PDZRN4: variants seen among roughly 807,000 people sequenced by gnomAD.
The protein encoded by PDZRN4 is PDZ domain containing ring finger 4.
A neutral mutation model predicts 99.0 loss-of-function variants in PDZRN4; 70 were observed. The observed-to-expected ratio is 0.71, with a 90% CI of 0.58 to 0.86. The LOEUF is 0.86. Ranked by LOEUF, PDZRN4 falls within the 40% of genes least tolerant of loss-of-function variation. The pLI is 0.00. For synonymous variants in PDZRN4, 551 were observed against 501.6 expected, an observed-to-expected ratio of 1.10 and a Z score of -1.32; for missense variants, 1,474 against 1,331.2, an observed-to-expected ratio of 1.11 and a Z score of -1.67.
intron 1 of PDZRN4, 125 bp downstream of exon 1, chr12:41,189,228 C>A: frequency 1.2e-6 from 1 of 823,126 alleles, no homozygotes; most frequent in Non-Finnish European, 1.9e-6. Flanking sequence ...CAGGAAACAT[C>A]CACACCCTGA....
chr12:41,317,653 T>C (rs574290769), intron 3 of PDZRN4, among the ~76,000 whole-genome samples: 3 of 152,282 alleles, frequency 2.0e-5, no homozygotes, highest in African/African-American at 7.2e-5. Context: ...CTCATAATGA[T>C]ATAATTAGTA....
At chr12:41,250,616 A>G (rs961887216) in intron 3 of PDZRN4, among the ~76,000 whole-genome samples, 63 of 152,204 alleles carry the variant, frequency 4.1e-4, no homozygotes, top group Admixed American at 4.1e-3. Flanking sequence ...TGTGCTTGAC[A>G]GGTTTGTCAA....
At chr12:41,519,367 TAA>T (rs1205183568) in intron 5 of PDZRN4, among the ~76,000 whole-genome samples, 1 of 152,044 alleles carries the variant, frequency 6.6e-6, no homozygotes, top group African/African-American at 2.4e-5. Context: ...GCTTTCTAGG[TAA>T]AGTGGCACAG....
Position 41,250,887 on chromosome 12 carries a change from A to G in PDZRN4, c.843+56699A>G, listed in dbSNP as rs560582657. Among the ~76,000 whole-genome samples, 129 of 152,304 alleles carry G rather than the reference A, an allele frequency of 8.5e-4. 1 individual carries two copies. Among genetic ancestry groups the G allele is most frequent in the Non-Finnish European group, 5.9e-5 (4 of 68,018 alleles). On this transcript the variant is annotated intron_variant, in intron 3 of 9. Coordinates refer to ENST00000402685, the MANE Select transcript of PDZRN4 (RefSeq NM_001164595.2). ...GAAATTCAACAGGCAAAGTGCCTTG[A>G]GTATCACAAAGAACTGCTGCTTGAG...
intron 5 of PDZRN4, among the ~76,000 whole-genome samples, chr12:41,512,894 G>A (rs533048241): frequency 6.6e-6 from 1 of 152,214 alleles, no homozygotes; most frequent in South Asian, 2.1e-4. Context: ...AGGTTAGAGT[G>A]AAGCACACCT....
chr12:41,416,833 A>G (rs913372613), intron 3 of PDZRN4, among the ~76,000 whole-genome samples: 1 of 152,184 alleles, frequency 6.6e-6, no homozygotes, highest in African/African-American at 2.4e-5. Context: ...GATTTGGTCT[A>G]TTCTTAGATA....
intron 3 of PDZRN4, among the ~76,000 whole-genome samples, chr12:41,430,117 G>A (rs1226529587): frequency 6.6e-6 from 1 of 152,200 alleles, no homozygotes; most frequent in Non-Finnish European, 1.5e-5. Context: ...TCTTGCTTCA[G>A]ATGCCATTAT....
At chr12:41,271,626 G>T (rs1206643391) in intron 3 of PDZRN4, among the ~76,000 whole-genome samples, 1 of 152,066 alleles carries the variant, frequency 6.6e-6, no homozygotes, top group Non-Finnish European at 1.5e-5. Context: ...AACTCAAAAT[G>T]CCAATCAGTG....
intron 6 of PDZRN4, among the ~76,000 whole-genome samples, chr12:41,554,430 T>A (rs1319777602): frequency 6.6e-6 from 1 of 152,186 alleles, no homozygotes; most frequent in African/African-American, 2.4e-5. Flanking sequence ...TCCTTTTACC[T>A]CTTACATGTA....
intron 5 of PDZRN4, among the ~76,000 whole-genome samples, chr12:41,549,357 A>G (rs925620822): frequency 6.6e-6 from 1 of 152,228 alleles, no homozygotes; most frequent in Non-Finnish European, 1.5e-5. Context: ...AATTCCTTTC[A>G]GATAATCAAA....
chr12:41,493,802 A>G (rs758392490), intron 3 of PDZRN4, among the ~76,000 whole-genome samples: 1 of 151,942 alleles, frequency 6.6e-6, no homozygotes, highest in Non-Finnish European at 1.5e-5. Context: ...GTAAGGCAGC[A>G]ACAGCTTTAC....
At chr12:41,520,381 C>T (rs1938472776) in intron 5 of PDZRN4, among the ~76,000 whole-genome samples, 1 of 152,020 alleles carries the variant, frequency 6.6e-6, no homozygotes, top group Admixed American at 6.6e-5. Context: ...CTTCCAAGTA[C>T]TCTGCACATG....
At chr12:41,483,579 C>T (rs1338868898) in intron 3 of PDZRN4, among the ~76,000 whole-genome samples, 1 of 152,100 alleles carries the variant, frequency 6.6e-6, no homozygotes, top group Non-Finnish European at 1.5e-5. Flanking sequence ...TATTAAAATA[C>T]TCCTATTATC....
chr12:41,351,402 G>A (rs564697034), intron 3 of PDZRN4, among the ~76,000 whole-genome samples: 59 of 152,162 alleles, frequency 3.9e-4, no homozygotes, highest in African/African-American at 1.3e-3. Context: ...GTATGAGTTC[G>A]TTCTTGCACT....
At chr12:41,328,507 A>C (rs911814716) in intron 3 of PDZRN4, among the ~76,000 whole-genome samples, 30 of 152,142 alleles carry the variant, frequency 2.0e-4, no homozygotes, top group African/African-American at 7.2e-4. Flanking sequence ...CAGCAGAGTG[A>C]TGCTCTGTAT....
At chr12:41,407,642 G>A (rs1483318462) in intron 3 of PDZRN4, among the ~76,000 whole-genome samples, 3 of 151,882 alleles carry the variant, frequency 2.0e-5, no homozygotes, top group Admixed American at 2.0e-4. Flanking sequence ...TGTTTGGACT[G>A]GCACAAAGAT....
chr12:41,378,416 TATTGGCTG>T (rs1212615006), intron 3 of PDZRN4, among the ~76,000 whole-genome samples: 1 of 152,112 alleles, frequency 6.6e-6, no homozygotes, highest in Non-Finnish European at 1.5e-5. Context: ...TCATCAGAGA[TATTGGCTG>T]GTAATTTTCT....
intron 3 of PDZRN4, among the ~76,000 whole-genome samples, chr12:41,245,034 A>T (rs1036846743): frequency 1.3e-5 from 2 of 152,232 alleles, no homozygotes; most frequent in East Asian, 3.9e-4. Context: ...CTCTGGTCCA[A>T]TGGCACCTTA....
At chr12:41,362,003 G>A (rs1047704267) in intron 3 of PDZRN4, among the ~76,000 whole-genome samples, 23 of 152,024 alleles carry the variant, frequency 1.5e-4, no homozygotes, top group African/African-American at 2.4e-5. Context: ...GTGCTTGGCT[G>A]CAGCTACAGT....
Sources: gnomAD v4.1 joint callset for allele counts (sites outside exome capture counted in the v4.1 genomes callset) on GRCh38, gnomAD v4.1.1 for gene constraint, MANE v1.5 for transcripts, NCBI Gene and HGNC (gene_info 2026-07-23, HGNC 2026-07-21) for gene names.